The following FHIP1A variants were observed in gnomAD, a reference collection of about 807,000 sequenced individuals.
FHIP1A encodes FHF complex subunit HOOK-interacting protein 1A.
FHIP1A carries 61 observed loss-of-function variants against 88.6 expected under a neutral mutation model. The observed-to-expected ratio is 0.69, with a 90% CI of 0.56 to 0.85. The LOEUF (loss-of-function observed/expected upper bound fraction) is 0.85. Ranked by LOEUF, FHIP1A falls within the 40% of genes least tolerant of loss-of-function variation. The pLI is 0.00. For synonymous variants in FHIP1A, 478 were observed against 496.0 expected (o/e 0.96, Z 0.48); for missense variants, 1,154 against 1,273.5 (o/e 0.91, Z 1.43).
intron 1 of FHIP1A, among the ~76,000 whole-genome samples, chr4:151,433,274 A>C (rs1318916860): frequency 6.6e-6 from 1 of 151,538 alleles, no homozygotes; most frequent in Non-Finnish European, 1.5e-5. Flanking sequence ...GAAGGCCCGT[A>C]GGTAATGGCG....
At chr4:151,543,850 A>G (rs10021407) in intron 3 of FHIP1A, among the ~76,000 whole-genome samples, 49,333 of 152,116 alleles carry the variant, frequency 0.32, 8,033 homozygotes, top group Non-Finnish European at 0.34. Context: ...ATCAAAGATT[A>G]TGGCTTAAAA....
intron 8 of FHIP1A, among the ~76,000 whole-genome samples, chr4:151,637,378 T>A (rs1736393323): frequency 6.6e-6 from 1 of 152,144 alleles, no homozygotes; most frequent in Non-Finnish European, 1.5e-5. Context: ...AAAAGACAAT[T>A]CACAGAATGG....
At chr4:151,502,608 C>T (rs902769591) in intron 3 of FHIP1A, among the ~76,000 whole-genome samples, 5 of 151,964 alleles carry the variant, frequency 3.3e-5, no homozygotes, top group African/African-American at 1.2e-4. Context: ...ATGAGCAGAG[C>T]CTAAGGGACC....
At chr4:151,576,918 T>G (rs566255200) in intron 4 of FHIP1A, 2 of 153,010 alleles carry the variant, frequency 1.3e-5, no homozygotes, top group African/African-American at 4.8e-5. Context: ...TAGTATGGTT[T>G]CCTTTTGCTT....
intron 1 of FHIP1A, among the ~76,000 whole-genome samples, chr4:151,424,287 T>C (rs897275234): frequency 6.6e-6 from 1 of 152,150 alleles, no homozygotes; most frequent in African/African-American, 2.4e-5. Context: ...TAGAATTACA[T>C]CGTTGGTCTG....
At chr4:151,490,546 T>C (rs1448901595) in intron 3 of FHIP1A, among the ~76,000 whole-genome samples, 1 of 151,972 alleles carries the variant, frequency 6.6e-6, no homozygotes, top group African/African-American at 2.4e-5. Context: ...TGAAACAGTC[T>C]CCCCAAATAA....
chr4:151,513,105 C>G (rs1204020675), intron 3 of FHIP1A, among the ~76,000 whole-genome samples: 1 of 151,824 alleles, frequency 6.6e-6, no homozygotes, highest in Non-Finnish European at 1.5e-5. Flanking sequence ...GCGGATCTCT[C>G]GGCAGAAACT....
intron 3 of FHIP1A, among the ~76,000 whole-genome samples, chr4:151,544,886 G>C (rs1036467265): frequency 2.2e-4 from 33 of 152,084 alleles, no homozygotes; most frequent in African/African-American, 8.0e-4. Context: ...AGACCAGCCT[G>C]GGTAACATAG....
intron 1 of FHIP1A, among the ~76,000 whole-genome samples, chr4:151,446,581 C>CTTTTTTTTTTTTTTTTTTTTTTTTTTT (rs35115788): frequency 9.1e-6 from 1 of 109,968 alleles, no homozygotes; most frequent in Non-Finnish European, 1.8e-5. Context: ...TGTTCTTTTT[C>CTTTTTTTTTTTTTTTTTTTTTTTTTTT]TTTTTTTTTT....
Position 151,414,175 on chromosome 4 carries a change from C to T in FHIP1A, c.-356+4710C>T, listed in dbSNP as rs188967110. Among the ~76,000 whole-genome samples the T allele has an allele frequency of 9.2e-3, 1,406 of 152,172 alleles. 18 individuals are homozygous for T. The highest frequency in any genetic ancestry group is 0.032 in the African/African-American group (1,314 of 41,502). ...AAGTGATTCTCTTGCCTTAGCCTCCCGAGTAGCTGGGACTACAGGCATGCG... is the reference window on the plus strand; with the variant it reads ...AAGTGATTCTCTTGCCTTAGCCTCCTGAGTAGCTGGGACTACAGGCATGCG... On this transcript the variant is annotated intron_variant, in intron 1 of 13. Transcript: ENST00000435205.
At chr4:151,598,920 A>G (rs1247029138) in intron 7 of FHIP1A, among the ~76,000 whole-genome samples, 2 of 152,174 alleles carry the variant, frequency 1.3e-5, no homozygotes, top group Non-Finnish European at 2.9e-5. Flanking sequence ...TTGTGTTAAT[A>G]TTTGTATGTT....
chr4:151,594,605 C>G (rs1734576068), intron 7 of FHIP1A, among the ~76,000 whole-genome samples: 1 of 146,500 alleles, frequency 6.8e-6, no homozygotes, highest in Non-Finnish European at 1.5e-5. Context: ...GAGATGGAAT[C>G]TCGCTCTGTT....
intron 3 of FHIP1A, among the ~76,000 whole-genome samples, chr4:151,551,308 T>G (rs1409708180): frequency 2.0e-5 from 3 of 152,208 alleles, no homozygotes; most frequent in Admixed American, 6.5e-5. Context: ...ACCAATGACT[T>G]TCTTCACAGA....
chr4:151,557,169 T>C (rs1214963115), intron 3 of FHIP1A, among the ~76,000 whole-genome samples: 1 of 152,186 alleles, frequency 6.6e-6, no homozygotes, highest in Non-Finnish European at 1.5e-5. Flanking sequence ...TATAAAATAA[T>C]TTTTACATAA....
At chr4:151,618,841 A>C (rs1282551707) in intron 7 of FHIP1A, among the ~76,000 whole-genome samples, 1 of 152,012 alleles carries the variant, frequency 6.6e-6, no homozygotes, top group East Asian at 1.9e-4. Flanking sequence ...ATTTTCTACT[A>C]CTCCATGATG....
chr4:151,409,730 C>G (rs1732532436), intron 1 of FHIP1A, among the ~76,000 whole-genome samples: 2 of 152,026 alleles, frequency 1.3e-5, no homozygotes, highest in African/African-American at 4.8e-5. Context: ...CGGTGACTGA[C>G]CCTGGGAGAG....
At chr4:151,616,214 G>T (rs537345500) in intron 7 of FHIP1A, among the ~76,000 whole-genome samples, 6 of 152,168 alleles carry the variant, frequency 3.9e-5, no homozygotes, top group Admixed American at 3.9e-4. Flanking sequence ...AGGTATAAAG[G>T]GCTCTCCTCC....
chr4:151,477,911 A>T (rs1283083038), intron 2 of FHIP1A, among the ~76,000 whole-genome samples: 2 of 152,184 alleles, frequency 1.3e-5, no homozygotes, highest in Non-Finnish European at 2.9e-5. Context: ...TGAAAATTTC[A>T]TATTGCTTTA....
At chr4:151,577,375 G>T in intron 4 of FHIP1A, 75 bp from the exon 5 acceptor site, 1 of 1,402,344 alleles carries the variant, frequency 7.1e-7, no homozygotes, top group Non-Finnish European at 9.5e-7. Flanking sequence ...TGACAATTTG[G>T]TAAAATCAGT....
Sources: allele counts gnomAD v4.1 joint callset (sites outside exome capture counted in the v4.1 genomes callset), GRCh38; gene constraint gnomAD v4.1.1; transcripts MANE v1.5; gene names NCBI Gene and HGNC (gene_info 2026-07-23, HGNC 2026-07-21).